The following CADM2 variants were observed in gnomAD, a reference collection of about 807,000 sequenced individuals.
CADM2 encodes the protein immunoglobulin superfamily member 4D.
A neutral mutation model predicts 49.8 loss-of-function variants in CADM2; 12 were observed. The observed-to-expected ratio is 0.24, with a 90% CI of 0.15 to 0.39. CADM2 has a LOEUF of 0.39. CADM2 is among the 10% of genes least tolerant of loss of function. CADM2 has a pLI of 1.00. For missense variants in CADM2, 378 were observed against 492.3 expected, an observed-to-expected ratio of 0.77 and a Z score of 2.20; for synonymous variants, 214 against 175.4, an observed-to-expected ratio of 1.22 and a Z score of -1.74.
At chr3:85,631,035 A>G (rs2064290252) in intron 1 of CADM2, among the ~76,000 whole-genome samples, 1 of 152,042 alleles carries the variant, frequency 6.6e-6, no homozygotes. Context: ...GTTCTTATCA[A>G]TTTGATCCCT....
intron 1 of CADM2, among the ~76,000 whole-genome samples, chr3:85,550,957 A>T (rs2061787206): frequency 6.7e-6 from 1 of 148,828 alleles, no homozygotes. Context: ...CATTGATTTT[A>T]ATTTATTTAT....
At chr3:85,723,950 C>T (rs775330981) in intron 1 of CADM2, among the ~76,000 whole-genome samples, 17 of 151,882 alleles carry the variant, frequency 1.1e-4, no homozygotes, top group Non-Finnish European at 1.5e-4. Context: ...TTTATTGATG[C>T]ATTGTAATCT....
intron 1 of CADM2, among the ~76,000 whole-genome samples, chr3:85,052,557 G>A (rs541908319): frequency 3.3e-5 from 5 of 152,054 alleles, no homozygotes; most frequent in African/African-American, 1.2e-4. Flanking sequence ...TCACCTAACA[G>A]AAGTACTAAT....
intron 1 of CADM2, among the ~76,000 whole-genome samples, chr3:85,598,992 C>A (rs2063325651): frequency 6.6e-6 from 1 of 151,802 alleles, no homozygotes; most frequent in Non-Finnish European, 1.5e-5. Context: ...TTTTACTAAT[C>A]AAATCATTTA....
intron 3 of CADM2, among the ~76,000 whole-genome samples, chr3:85,854,522 CA>C: frequency 6.6e-6 from 1 of 152,036 alleles, no homozygotes; most frequent in South Asian, 2.1e-4. Flanking sequence ...AGCAAACTAA[CA>C]GAGGAGCAGA....
At chr3:85,358,543 T>C (rs1353025374) in intron 1 of CADM2, among the ~76,000 whole-genome samples, 1 of 152,108 alleles carries the variant, frequency 6.6e-6, no homozygotes. Flanking sequence ...CTGTATGAGC[T>C]GAATATGCAT....
chr3:85,397,358 A>G (rs1458594056), intron 1 of CADM2, among the ~76,000 whole-genome samples: 1 of 152,198 alleles, frequency 6.6e-6, no homozygotes, highest in African/African-American at 2.4e-5. Context: ...GAATTATTAT[A>G]TGATCCAGAA....
At chr3:85,790,457 T>C (rs879027495) in intron 2 of CADM2, among the ~76,000 whole-genome samples, 1 of 152,176 alleles carries the variant, frequency 6.6e-6, no homozygotes. Context: ...AAAACTATTA[T>C]CACATTCTGG....
intron 1 of CADM2, among the ~76,000 whole-genome samples, chr3:85,158,078 A>G (rs2040197003): frequency 6.6e-6 from 1 of 152,246 alleles, no homozygotes; most frequent in Non-Finnish European, 1.5e-5. Flanking sequence ...CAGCCAAAAA[A>G]CACATGAAAA....
chr3:85,854,561 T>C (rs902890163), intron 3 of CADM2, among the ~76,000 whole-genome samples: 2 of 152,008 alleles, frequency 1.3e-5, no homozygotes, highest in African/African-American at 4.8e-5. Context: ...TTCTCACTCA[T>C]AAGTGGGAGT....
chr3:85,823,677 G>A (rs1485200670), intron 3 of CADM2, among the ~76,000 whole-genome samples: 1 of 152,072 alleles, frequency 6.6e-6, no homozygotes, highest in Non-Finnish European at 1.5e-5. Context: ...ATTTACGAGA[G>A]CTATTAATTT....
chr3:85,186,348 C>T (rs114628914), intron 1 of CADM2, among the ~76,000 whole-genome samples: 1 of 152,018 alleles, frequency 6.6e-6, no homozygotes, highest in Non-Finnish European at 1.5e-5. Flanking sequence ...AACCTAAATG[C>T]CACATAATCT....
At chr3:85,619,056 C>A (rs995757810) in intron 1 of CADM2, among the ~76,000 whole-genome samples, 1 of 150,452 alleles carries the variant, frequency 6.6e-6, no homozygotes, top group Non-Finnish European at 1.5e-5. Flanking sequence ...AAAAAAAAAA[C>A]CCAGAAATTA....
At chr3:86,016,195 T>G (rs1052156243) in intron 8 of CADM2, among the ~76,000 whole-genome samples, 1 of 152,074 alleles carries the variant, frequency 6.6e-6, no homozygotes, top group Non-Finnish European at 1.5e-5. Flanking sequence ...AAATGGAAAT[T>G]TATGTATATT....
At chr3:85,449,082 A>AATAATAATAATAATAATAAT (rs1553724946) in intron 1 of CADM2, among the ~76,000 whole-genome samples, 103 of 112,948 alleles carry the variant, frequency 9.1e-4, no homozygotes, top group East Asian at 1.7e-3. Context: ...ATAATGATAA[A>AATAATAATAATAATAATAAT]AATTATATAA....
chr3:85,671,213 C>T (rs2065725155), intron 1 of CADM2, among the ~76,000 whole-genome samples: 2 of 152,272 alleles, frequency 1.3e-5, no homozygotes, highest in South Asian at 4.1e-4. Context: ...AATCTTCCAT[C>T]ACTTGGAGCA....
intron 1 of CADM2, among the ~76,000 whole-genome samples, chr3:85,175,925 T>TC (rs1433351614): frequency 1.7e-5 from 2 of 114,828 alleles, no homozygotes; most frequent in Non-Finnish European, 3.7e-5. Context: ...TAATCTTTTT[T>TC]TTTTTTTTTT....
At chr3:85,338,007 T>C (rs960526806) in intron 1 of CADM2, among the ~76,000 whole-genome samples, 1 of 151,734 alleles carries the variant, frequency 6.6e-6, no homozygotes, top group African/African-American at 2.4e-5. Flanking sequence ...AAATACTGCC[T>C]TAAGCATCAT....
intron 1 of CADM2, among the ~76,000 whole-genome samples, chr3:85,062,984 A>G (rs1446264305): frequency 2.0e-5 from 3 of 151,962 alleles, no homozygotes; most frequent in Non-Finnish European, 4.4e-5. Context: ...AAATCTTAAA[A>G]AAGTGGAAGT....
Sources: allele counts gnomAD v4.1 joint callset (sites outside exome capture counted in the v4.1 genomes callset), GRCh38; gene constraint gnomAD v4.1.1; transcripts MANE v1.5; gene names NCBI Gene and HGNC (gene_info 2026-07-23, HGNC 2026-07-21).